Variants in IL2RA observed in about 807,000 individuals in gnomAD.
IL2RA encodes the protein interleukin 2 receptor subunit alpha.
Under a neutral mutation model 37.8 loss-of-function variants are expected in IL2RA, and 24 were observed. The ratio of observed to expected loss-of-function variants is 0.63; its 90% CI spans 0.46 to 0.89. IL2RA has a LOEUF of 0.89. Among genes scored for constraint, IL2RA ranks in the 40% least tolerant of loss-of-function variants. The pLI is 0.00. For missense variants in IL2RA, 319 were observed against 348.6 expected (o/e 0.92, Z 0.68); for synonymous variants, 125 against 114.6 (o/e 1.09, Z -0.58).
At chr10:6,030,171 C>G (rs1338100648) in intron 1 of IL2RA, among the ~76,000 whole-genome samples, 1 of 152,016 alleles carries the variant, frequency 6.6e-6, no homozygotes, top group African/African-American at 2.4e-5. Flanking sequence ...ATAGCCTAAC[C>G]TACATTTAAT....
intron 7 of IL2RA, 113 bp downstream of exon 7, chr10:6,017,940 C>G: frequency 1.2e-6 from 1 of 815,786 alleles, no homozygotes; most frequent in Admixed American, 2.0e-5. Context: ...CTTTGCCACT[C>G]CCTGAACTGC....
chr10:6,051,303 A>T (rs1341658365), intron 1 of IL2RA, among the ~76,000 whole-genome samples: 1 of 150,660 alleles, frequency 6.6e-6, no homozygotes, highest in African/African-American at 2.4e-5. Context: ...CATCCCCAAA[A>T]CTCCCGGGAA....
At position 6,033,271 on chromosome 10, in the gene IL2RA, A is replaced by G. The variant is rs1326496498; in HGVS notation, c.65-7246T>C. ...ACGCCACTGCCCTCCAGCCTGGGCA[A>G]CAGAGTGAGACTCTGTCTCAAAAAC... On this transcript the variant is annotated intron_variant, in intron 1 of 7. Transcript: ENST00000379959. The surrounding 1 kb of genome is among the most constrained non-coding windows in gnomAD (Gnocchi z 4.3). 6.6e-6 allele frequency among the ~76,000 whole-genome samples: 1 copy of G among 152,166 alleles called. No individual in the cohort carries two copies. The highest frequency in any genetic ancestry group is 1.5e-5 in the Non-Finnish European group (1 of 68,022).
chr10:6,042,151 A>AAAAAAAAAAAAAAAAAAAAAAAG, intron 1 of IL2RA, among the ~76,000 whole-genome samples: 1 of 145,182 alleles, frequency 6.9e-6, no homozygotes, highest in African/African-American at 2.5e-5. Flanking sequence ...TATTAAGCAA[A>AAAAAAAAAAAAAAAAAAAAAAAG]AAAAAAAAAA....
At position 6,036,607 on chromosome 10, in the gene IL2RA, C is replaced by G. The variant is rs951195847; in HGVS notation, c.65-10582G>C. Among the ~76,000 whole-genome samples the G allele has an allele frequency of 6.6e-6, 1 of 152,226 alleles. No individual in the cohort carries two copies. The highest frequency in any genetic ancestry group is 1.5e-5 in the Non-Finnish European group (1 of 68,040). On this transcript the variant is annotated intron_variant, in intron 1 of 7. Transcript: ENST00000379959. This position sits in a 1 kb window ranked among gnomAD's most constrained non-coding sequence, Gnocchi z 6.1. ...TCCCTGACGTGGAATTATGAGCCCT[C>G]TTTCTTCGATTTTGCCACATACCCG...
At chr10:6,017,977 G>A (rs1043644881) in intron 7 of IL2RA, 76 bp downstream of exon 7, 33 of 1,148,296 alleles carry the variant, frequency 2.9e-5, no homozygotes, top group Non-Finnish European at 3.0e-5. Flanking sequence ...CATGGAGGGG[G>A]TAGGGGGGAG....
intron 1 of IL2RA, among the ~76,000 whole-genome samples, 179 bp downstream of exon 1, chr10:6,061,909 A>G (rs28360485): frequency 0.01 from 1,547 of 152,344 alleles, 16 homozygotes; most frequent in South Asian, 0.017. Flanking sequence ...CTCTCTTGAC[A>G]GACCAAGGAA....
Position 6,025,658 on chromosome 10 carries a change from C to CAA in IL2RA, c.256+174_256+175dup, listed in dbSNP as rs35349809. Among the ~76,000 whole-genome samples the CAA allele has an allele frequency of 3.2e-4, 42 of 132,190 alleles. No homozygotes were observed. Among genetic ancestry groups the CAA allele is most frequent in the African/African-American group, 9.6e-4 (34 of 35,586 alleles). The allele number at this position is 132,190 out of a possible 152,430, so 86.7% of individuals were successfully genotyped here. On this transcript the variant is annotated intron_variant, in intron 2 of 7. Transcript: ENST00000379959. The surrounding 1 kb of genome is among the most constrained non-coding windows in gnomAD (Gnocchi z 4.4). Reference sequence around the variant, plus strand: ...AGGCAACAGAGTGAGAGTCTGTCTCCAAAAAAAAAAAAAATTGTGTTTAGT... The same window carrying CAA: ...AGGCAACAGAGTGAGAGTCTGTCTCCAAAAAAAAAAAAAAAATTGTGTTTAGT...
At chr10:6,026,487 G>C (rs1051833565) in intron 1 of IL2RA, among the ~76,000 whole-genome samples, 1 of 152,158 alleles carries the variant, frequency 6.6e-6, no homozygotes, top group African/African-American at 2.4e-5. Flanking sequence ...TACAGAAAGT[G>C]CTTCACTCAA....
chr10:6,031,585 T>G (rs1839595115), intron 1 of IL2RA, among the ~76,000 whole-genome samples: 1 of 146,068 alleles, frequency 6.8e-6, no homozygotes, highest in Admixed American at 7.0e-5. Flanking sequence ...AATTAAAAAT[T>G]TAAAAACAAT....
In IL2RA at chr10:6,048,494, A is replaced by G. The variant is rs1157295644; in HGVS notation, c.64+13594T>C. ...TGGCCATGCAGACTAGAAGCCCAGC[A>G]AGTCACATTTAGTGAGCACCTACTG... On this transcript the variant is annotated intron_variant, in intron 1 of 7. Transcript: ENST00000379959. This position sits in a 1 kb window ranked among gnomAD's most constrained non-coding sequence, Gnocchi z 5.3. 1.3e-5 allele frequency among the ~76,000 whole-genome samples: 2 copies of G among 152,244 alleles called. No individual in the cohort carries two copies. The highest frequency in any genetic ancestry group is 2.9e-5 in the Non-Finnish European group (2 of 68,040).
rs1445941170 is a variant in IL2RA at position 6,058,791 on chromosome 10, G to A, written c.64+3297C>T. ...TCAGAATTTCCACAGTTCTGAGAAA[G>A]GTGCCTTCAATAACGTGCCATATTG... On this transcript the variant is annotated intron_variant, in intron 1 of 7. Transcript: ENST00000379959. The surrounding 1 kb of genome is among the most constrained non-coding windows in gnomAD (Gnocchi z 4.2). Among the ~76,000 whole-genome samples the A allele has an allele frequency of 1.3e-5, 2 of 152,158 alleles. No individual in the cohort carries two copies. Among genetic ancestry groups the A allele is most frequent in the African/African-American group, 2.4e-5 (1 of 41,434 alleles).
chr10:6,062,055 C>T (rs1840129578), intron 1 of IL2RA, 33 bp downstream of exon 1: 5 of 1,590,308 alleles, frequency 3.1e-6, no homozygotes, highest in East Asian at 4.5e-5. Context: ...CATCAGCCTT[C>T]CCGGAATTCC....
chr10:6,021,389 C>T lies in IL2RA; in HGVS notation c.583+89G>A. On this transcript the variant is annotated intron_variant, in intron 4 of 7. Transcript: ENST00000379959. This position sits in a 1 kb window ranked among gnomAD's most constrained non-coding sequence, Gnocchi z 4.9. Reference sequence around the variant, plus strand: ...TCAAGGGTCTTGTCCAAGGACCACTCTTGTCCAGCAGGAGTGGTCAGGGAT... The same window carrying T: ...TCAAGGGTCTTGTCCAAGGACCACTTTTGTCCAGCAGGAGTGGTCAGGGAT... 9.0e-7 allele frequency: 1 copy of T among 1,106,454 alleles called. No homozygotes were observed. The allele number at this position is 1,106,454 out of a possible 1,614,324, so 68.5% of individuals were successfully genotyped here.
intron 1 of IL2RA, among the ~76,000 whole-genome samples, chr10:6,042,147 G>GAAAAAAAAAA (rs1564549478): frequency 8.3e-4 from 1 of 1,210 alleles, no homozygotes; most frequent in African/African-American, 2.2e-3. Flanking sequence ...AATGTATTAA[G>GAAAAAAAAAA]CAAAAAAAAA....
At chr10:6,026,184 C>G (rs1839480652) in intron 1 of IL2RA, 159 bp from the exon 2 acceptor site, 1 of 731,104 alleles carries the variant, frequency 1.4e-6, no homozygotes, top group South Asian at 1.7e-5. Context: ...TACCATTGTT[C>G]TTTAGAAAGC....
chr10:6,023,541 G>T (rs1434953939), intron 3 of IL2RA, among the ~76,000 whole-genome samples: 1 of 152,140 alleles, frequency 6.6e-6, no homozygotes, highest in Non-Finnish European at 1.5e-5. Context: ...TCACCATGTT[G>T]GCCAGGCTGG....
intron 1 of IL2RA, 128 bp downstream of exon 1, chr10:6,061,960 G>T (rs1840127623): frequency 2.6e-6 from 2 of 766,426 alleles, no homozygotes; most frequent in Non-Finnish European, 2.3e-6. Context: ...TCACAGGCAA[G>T]AGGTGGAACC....
intron 1 of IL2RA, among the ~76,000 whole-genome samples, chr10:6,041,833 A>T (rs892699323): frequency 1.3e-5 from 2 of 152,146 alleles, no homozygotes; most frequent in Admixed American, 6.5e-5. Context: ...AAACTAGACC[A>T]AAAAAGTATT....
Sources: gnomAD v4.1 joint callset for allele counts (sites outside exome capture counted in the v4.1 genomes callset) on GRCh38, gnomAD v4.1.1 for gene constraint, Gnocchi (gnomAD v3.1) non-coding constraint, MANE v1.5 for transcripts, NCBI Gene and HGNC (gene_info 2026-07-23, HGNC 2026-07-21) for gene names.